ATP2B4: variants seen among roughly 807,000 people sequenced by gnomAD.
ATP2B4 encodes the protein ATPase plasma membrane Ca2+ transporting 4.
Under a neutral mutation model 110.3 loss-of-function variants are expected in ATP2B4, and 39 were observed. The ratio of observed to expected loss-of-function variants is 0.35; its 90% confidence interval spans 0.27 to 0.46. The LOEUF (loss-of-function observed/expected upper bound fraction) is 0.46, where lower values mean the gene tolerates loss of function less well. Among genes scored for constraint, ATP2B4 ranks in the 20% least tolerant of loss-of-function variants. The pLI is 1.00. For synonymous variants in ATP2B4, 538 were observed against 571.7 expected (o/e 0.94, Z 0.84); for missense variants, 1,135 against 1,530.9 (o/e 0.74, Z 4.32).
chr1:203,702,170 C>T, intron 7 of ATP2B4, 91 bp downstream of exon 7: 1 of 1,501,502 alleles, frequency 6.7e-7, no homozygotes, highest in Non-Finnish European at 9.2e-7. Context: ...TTTTCCTCTC[C>T]ATAAATCTGT....
intron 1 of ATP2B4, among the ~76,000 whole-genome samples, chr1:203,633,581 T>A (rs1277495508): frequency 6.6e-6 from 1 of 152,124 alleles, no homozygotes; most frequent in African/African-American, 2.4e-5. Flanking sequence ...CTGGCCAACA[T>A]GGTGAAACCC....
intron 20 of ATP2B4, among the ~76,000 whole-genome samples, chr1:203,737,317 G>A (rs1366061154): frequency 6.6e-6 from 1 of 152,150 alleles, no homozygotes; most frequent in African/African-American, 2.4e-5. Flanking sequence ...ATGATGTACT[G>A]GCGGATAAAG....
chr1:203,681,382 T>G (rs3806345), intron 1 of ATP2B4, among the ~76,000 whole-genome samples: 2,744 of 152,264 alleles, frequency 0.018, 63 homozygotes, highest in East Asian at 0.088. Context: ...TTCTTGTGCT[T>G]CTTTGTTCAC....
chr1:203,737,039 A>G (rs1348190014), intron 20 of ATP2B4, among the ~76,000 whole-genome samples: 2 of 152,134 alleles, frequency 1.3e-5, no homozygotes, highest in Non-Finnish European at 2.9e-5. Flanking sequence ...TAGCTGGATG[A>G]CTGTTTCTTG....
intron 1 of ATP2B4, among the ~76,000 whole-genome samples, chr1:203,630,369 C>T (rs200020386): frequency 0.055 from 823 of 14,926 alleles, 6 homozygotes; most frequent in East Asian, 0.39. Flanking sequence ...CTCTCTCTCT[C>T]TTTTTTTTTT....
At chr1:203,642,669 C>G (rs1223449809) in intron 1 of ATP2B4, among the ~76,000 whole-genome samples, 1 of 152,158 alleles carries the variant, frequency 6.6e-6, no homozygotes, top group Non-Finnish European at 1.5e-5. Flanking sequence ...CATTCCTGTG[C>G]CTTTCTGTAT....
intron 19 of ATP2B4, 91 bp downstream of exon 19, chr1:203,724,079 C>T: frequency 9.5e-7 from 1 of 1,054,084 alleles, no homozygotes; most frequent in Non-Finnish European, 1.4e-6. Context: ...GTGGAGACCC[C>T]CCAGCTCCTC....
Position 203,739,811 on chromosome 1 carries a change from C to G in ATP2B4, c.3575C>G (p.Pro1192Arg). The G allele has an allele frequency of 6.2e-7, 1 of 1,614,130 alleles. No individual in the cohort carries two copies. The highest frequency in any genetic ancestry group is 8.5e-7 in the Non-Finnish European group (1 of 1,180,026). Residue 1192 changes from proline (P) to arginine (R), a missense_variant, in exon 21 of 21, where the codon CCC (proline) becomes CGC (arginine). By Grantham distance (103) the Pro-to-Arg change is moderately radical (BLOSUM62 -2). Coordinates refer to ENST00000357681, the MANE Select transcript of ATP2B4 (RefSeq NM_001684.5). ...GTGGATTGCAACCAAGTGCAGCTCC[C>G]CCAGTCGGACAGCTCTCTACAGAGC... is the stretch of plus-strand genomic sequence containing the variant. ...NAVDCNQVQLPQSDSSLQSLE... is the reference protein window; with the variant it reads ...NAVDCNQVQLRQSDSSLQSLE...
rs1407231054 is a variant in ATP2B4, at chr1:203,672,345, TTTTTTTTTTTTA to T, written c.-464-10396_-464-10385del. ...GGCTCTTTTTTTTTTTTTTTTTTTT[TTTTTTTTTTTTA>T]AAGCTGATTTAGGGGGTTGGGAAAA... On this transcript the variant is annotated intron_variant, in intron 1 of 20. Transcript: ENST00000357681. Among the ~76,000 whole-genome samples the T allele has an allele frequency of 7.4e-3, 757 of 102,212 alleles. 28 individuals carry two copies. Among genetic ancestry groups the T allele is most frequent in the Admixed American group, 0.037 (385 of 10,356 alleles). The allele number at this position is 102,212 out of a possible 152,430, so 67.1% of individuals were successfully genotyped here. A position where few individuals can be genotyped will look rare whatever the true frequency, so the allele number is the denominator to read the frequency against.
chr1:203,673,730 A>G (rs549985598), intron 1 of ATP2B4, among the ~76,000 whole-genome samples: 3 of 152,138 alleles, frequency 2.0e-5, no homozygotes, highest in Non-Finnish European at 4.4e-5. Flanking sequence ...TCTCCTGCTG[A>G]GCGTCTGGGG....
chr1:203,721,776 C>A (rs11240275), intron 17 of ATP2B4, among the ~76,000 whole-genome samples: 26,201 of 150,384 alleles, frequency 0.17, 2,366 homozygotes, highest in South Asian at 0.3. Flanking sequence ...GATTTTCCTG[C>A]GTCAGCCTCC....
In ATP2B4 at chr1:203,707,052, C is replaced by G; in HGVS notation, c.1143C>G (p.Tyr381Ter). 6.2e-7 allele frequency: 1 copy of G among 1,614,046 alleles called. No homozygotes were observed. The highest frequency in any genetic ancestry group is 1.3e-5 in the African/African-American group (1 of 75,044). The change falls in exon 9 of 21, where the codon TAC (tyrosine) becomes TAG (stop). Residue 381 changes from tyrosine to a stop codon, truncating the protein, a stop_gained. Coordinates refer to ENST00000357681, the MANE Select transcript of ATP2B4 (RefSeq NM_001684.5). LOFTEE classifies it high-confidence loss of function. ...SALTVFILIL[Y>*]FVIDNFVINR... ...TCACGGTTTTCATCCTGATTCTATA[C>G]TTTGTGATTGACAACTTTGTGATAA...
chr1:203,679,500 G>T (rs1387177598), intron 1 of ATP2B4, among the ~76,000 whole-genome samples: 1 of 152,192 alleles, frequency 6.6e-6, no homozygotes, highest in African/African-American at 2.4e-5. Flanking sequence ...TCAGCCCCAT[G>T]TGTTCTAATC....
intron 1 of ATP2B4, among the ~76,000 whole-genome samples, chr1:203,640,987 T>A (rs1170574768): frequency 6.6e-6 from 1 of 152,190 alleles, no homozygotes; most frequent in Non-Finnish European, 1.5e-5. Flanking sequence ...TTCTTGGAGA[T>A]CATCTGGTTG....
At chr1:203,725,475 C>G (rs1666481862) in intron 19 of ATP2B4, among the ~76,000 whole-genome samples, 1 of 152,156 alleles carries the variant, frequency 6.6e-6, no homozygotes, top group Admixed American at 6.6e-5. Context: ...TAAGCTGAAT[C>G]ATCTTGGGCA....
chr1:203,688,433 G>A (rs1351013475), intron 2 of ATP2B4, among the ~76,000 whole-genome samples: 1 of 151,548 alleles, frequency 6.6e-6, no homozygotes, highest in Non-Finnish European at 1.5e-5. Context: ...TGGTTAACTG[G>A]GACTACAGGT....
rs1666959007 is a variant in ATP2B4, at chr1:203,739,756, A to G, written c.3520A>G (p.Thr1174Ala). The change falls in exon 21 of 21, where the codon ACT (threonine) becomes GCT (alanine). Residue 1174 changes from threonine to alanine, a missense_variant. Transcript: ENST00000357681. ...TRVLLLDGEV[T>A]PYANTNNNAV... ...GGTGCTCCTGTTGGATGGTGAGGTC[A>G]CTCCATATGCCAATACAAACAACAA... 1 of 1,614,028 alleles carries G rather than the reference A, an allele frequency of 6.2e-7. No homozygotes were observed. The highest frequency in any genetic ancestry group is 8.5e-7 in the Non-Finnish European group (1 of 1,180,000).
intron 20 of ATP2B4, among the ~76,000 whole-genome samples, chr1:203,730,406 C>A (rs1193580983): frequency 6.6e-6 from 1 of 152,144 alleles, no homozygotes; most frequent in Non-Finnish European, 1.5e-5. Context: ...CCCTACCCCA[C>A]CCCACACTCC....
chr1:203,706,015 C>A (rs1253740158), intron 8 of ATP2B4, among the ~76,000 whole-genome samples: 1 of 152,186 alleles, frequency 6.6e-6, no homozygotes, highest in Non-Finnish European at 1.5e-5. Context: ...AAACCAAAAC[C>A]AGATAATGAT....
Sources: allele counts gnomAD v4.1 joint callset (sites outside exome capture counted in the v4.1 genomes callset), GRCh38; gene constraint gnomAD v4.1.1; transcripts MANE v1.5; gene names NCBI Gene and HGNC (gene_info 2026-07-23, HGNC 2026-07-21).